Variants in SLC39A5 observed in about 807,000 individuals in gnomAD.
SLC39A5 encodes solute carrier family 39 member 5.
Under a neutral mutation model 46.9 loss-of-function variants are expected in SLC39A5, and 42 were observed. That is an observed-to-expected ratio of 0.90 (90% CI 0.70 to 1.16). SLC39A5 has a LOEUF of 1.16. Ranked by LOEUF, SLC39A5 falls within the 50% of genes most tolerant of loss-of-function variation. The pLI is 0.00. For missense variants in SLC39A5, 677 were observed against 686.8 expected (o/e 0.99, Z 0.16); for synonymous variants, 311 against 323.1 (o/e 0.96, Z 0.40).
chr12:56,233,750 C>A (rs1870463506), intron 5 of SLC39A5, among the ~76,000 whole-genome samples: 1 of 152,222 alleles, frequency 6.6e-6, no homozygotes, highest in Non-Finnish European at 1.5e-5. Context: ...AGCTGCCTAA[C>A]CCTGATGGAG....
intron 5 of SLC39A5, among the ~76,000 whole-genome samples, chr12:56,233,407 A>G (rs1008013609): frequency 2.0e-5 from 3 of 151,124 alleles, no homozygotes; most frequent in East Asian, 1.9e-4. Flanking sequence ...CCGAGATTGC[A>G]CCACTGCACT....
intron 12 of SLC39A5, 99 bp from the exon 13 acceptor site, chr12:56,237,489 G>A: frequency 6.3e-7 from 1 of 1,579,090 alleles, no homozygotes; most frequent in Non-Finnish European, 8.6e-7. Flanking sequence ...AGGGACTAAG[G>A]TGTTTGGGTG....
At chr12:56,234,753 C>T in intron 5 of SLC39A5, 71 bp from the exon 6 acceptor site, 4 of 1,555,802 alleles carry the variant, frequency 2.6e-6, no homozygotes, top group Non-Finnish European at 3.5e-6. Context: ...AGCCACTACA[C>T]CTGGCCAGGT....
chr12:56,231,817 C>A (rs1308794747), intron 4 of SLC39A5, among the ~76,000 whole-genome samples: 2 of 152,162 alleles, frequency 1.3e-5, no homozygotes, highest in East Asian at 3.9e-4. Context: ...CCTCTGCTTC[C>A]CAGGCTGAAG....
intron 8 of SLC39A5, 123 bp from the exon 9 acceptor site, chr12:56,236,273 C>T (rs1175940236): frequency 3.5e-6 from 3 of 852,524 alleles, no homozygotes; most frequent in Non-Finnish European, 5.8e-6. Flanking sequence ...AGGTAGAGGC[C>T]AAAGAACATC....
intron 8 of SLC39A5, 89 bp from the exon 9 acceptor site, chr12:56,236,307 G>C: frequency 8.5e-7 from 1 of 1,182,258 alleles, no homozygotes; most frequent in Non-Finnish European, 1.3e-6. Context: ...GTGGAACCAG[G>C]TGTTCATCTT....
Position 56,232,778 on chromosome 12 carries a change from C to G in SLC39A5, c.377C>G (p.Pro126Arg). 6.2e-7 allele frequency: 1 copy of G among 1,612,552 alleles called. No homozygotes were observed. The highest frequency in any genetic ancestry group is 8.5e-7 in the Non-Finnish European group (1 of 1,179,486). The change falls in exon 5 of 13, where the codon CCT becomes CGT. Residue 126 changes from proline (P) to arginine (R), a missense_variant. Pro to Arg is a moderately radical substitution (Grantham distance 103). Coordinates refer to ENST00000454355, the MANE Select transcript of SLC39A5 (RefSeq NM_173596.3). ...GGTGACCTGGAAGAGTCAAAGGCCC[C>G]TCACCTACCCCGTGGGCCAGCCCCC... ...GWGDLEESKAPHLPRGPAPSG... is the reference protein window; with the variant it reads ...GWGDLEESKARHLPRGPAPSG...
intron 5 of SLC39A5, among the ~76,000 whole-genome samples, chr12:56,233,073 C>T (rs1010135401): frequency 8.6e-5 from 13 of 151,692 alleles, no homozygotes; most frequent in African/African-American, 3.2e-4. Context: ...ACCAGCCTGG[C>T]CAACATGGTG....
At chr12:56,235,080 A>G in intron 6 of SLC39A5, 77 bp from the exon 7 acceptor site, 1 of 1,579,588 alleles carries the variant, frequency 6.3e-7, no homozygotes, top group Non-Finnish European at 8.6e-7. Context: ...CTCTCCTTGT[A>G]GTGTTCTCTC....
intron 3 of SLC39A5, 148 bp from the exon 4 acceptor site, chr12:56,231,056 C>T (rs1423847588): frequency 1.2e-5 from 6 of 514,624 alleles, no homozygotes; most frequent in East Asian, 3.2e-5. Context: ...GAGGCTGCTC[C>T]CGCAGGAGGC....
rs771580000 is a variant in SLC39A5, at chr12:56,231,519, CTG to C, written c.246_247del (p.Gly83ThrfsTer18). 39 of 1,586,504 alleles carry C rather than the reference CTG, an allele frequency of 2.5e-5. No individual in the cohort carries two copies. In the South Asian group the frequency reaches 4.3e-4, roughly 17 times the overall value. On this transcript the variant is annotated frameshift_variant, in exon 4 of 13. Transcript: ENST00000454355. LOFTEE classifies it high-confidence loss of function. Reference sequence around the variant, plus strand: ...CGCCTGGGACAGCATGGGCCTCTGACTGGACGGGCTGCATCCCCAGCTGCAGA... The same window carrying C: ...CGCCTGGGACAGCATGGGCCTCTGACGACGGGCTGCATCCCCAGCTGCAGA...
intron 5 of SLC39A5, among the ~76,000 whole-genome samples, chr12:56,233,470 T>TA (rs1452270733): frequency 2.0e-5 from 3 of 149,956 alleles, no homozygotes; most frequent in Non-Finnish European, 3.0e-5. Flanking sequence ...ATAAAAAAAA[T>TA]AAAAAAATAA....
rs1329971929 is a variant in SLC39A5, at chr12:56,236,762, A to G, written c.1207+16A>G. Reference sequence around the variant, plus strand: ...CTGGCCATAGGTGTGAGGGGTGGGAACGGAGGGAAGCAGGTCCGAGGGGAG... The same window carrying G: ...CTGGCCATAGGTGTGAGGGGTGGGAGCGGAGGGAAGCAGGTCCGAGGGGAG... On this transcript the variant is annotated intron_variant, in intron 10 of 12. Coordinates refer to ENST00000454355, the MANE Select transcript of SLC39A5 (RefSeq NM_173596.3). 3.1e-6 allele frequency: 5 copies of G among 1,587,702 alleles called. No homozygotes were observed. In the African/African-American group the frequency reaches 5.4e-5, roughly 17 times the overall value.
intron 4 of SLC39A5, 41 bp downstream of exon 4, chr12:56,231,602 A>G (rs1592373155): frequency 6.7e-7 from 1 of 1,499,482 alleles, no homozygotes; most frequent in Non-Finnish European, 8.9e-7. Flanking sequence ...CACATCTCCC[A>G]GGTCCTCTCA....
rs1472252044 is a variant in SLC39A5 at position 56,230,265 on chromosome 12, C to T, written c.-145C>T. On this transcript the variant is annotated 5_prime_UTR_variant, in exon 2 of 13. Transcript: ENST00000454355. Reference sequence around the variant, plus strand: ...GGCTTCCCCTTTCTTGGTCATCGATCCCTAGAGCTCTGGCTCTTTCTCTTC... The same window carrying T: ...GGCTTCCCCTTTCTTGGTCATCGATTCCTAGAGCTCTGGCTCTTTCTCTTC... 2 of 152,648 alleles carry T rather than the reference C, an allele frequency of 1.3e-5. No individual in the cohort carries two copies. The highest frequency in any genetic ancestry group is 2.9e-5 in the Non-Finnish European group (2 of 68,136). 9.5% of individuals were successfully genotyped at this position (152,648 alleles called of 1,614,324 possible).
chr12:56,235,907 G>A lies in SLC39A5; in HGVS notation c.945+207G>A, dbSNP rs181002430. 389 of 589,618 alleles carry A rather than the reference G, an allele frequency of 6.6e-4. 1 individual carries two copies. In the African/African-American group the frequency reaches 7.0e-3, roughly 11 times the overall value. 36.5% of individuals were successfully genotyped at this position (589,618 alleles called of 1,614,324 possible). Reference sequence around the variant, plus strand: ...AAAATACAAAAATTAGCTGGGCGTGGTGGTGCGTGTCTGTAATCCCAGCTA... The same window carrying A: ...AAAATACAAAAATTAGCTGGGCGTGATGGTGCGTGTCTGTAATCCCAGCTA... On this transcript the variant is annotated intron_variant, in intron 8 of 12. Coordinates refer to ENST00000454355, the MANE Select transcript of SLC39A5 (RefSeq NM_173596.3).
At chr12:56,237,038 T>C in intron 11 of SLC39A5, 27 bp downstream of exon 11, 1 of 1,613,582 alleles carries the variant, frequency 6.2e-7, no homozygotes, top group East Asian at 2.2e-5. Context: ...CAGGGTGGGG[T>C]GGACTCCAGA....
intron 4 of SLC39A5, 116 bp downstream of exon 4, chr12:56,231,677 G>C: frequency 8.9e-7 from 1 of 1,126,578 alleles, no homozygotes; most frequent in Non-Finnish European, 1.2e-6. Flanking sequence ...AAATTCTTCA[G>C]AACCGAGCTC....
Position 56,237,639 on chromosome 12 carries a change from C to A in SLC39A5, c.1531C>A (p.Leu511Met). Residue 511 changes from leucine to methionine, a missense_variant, in exon 13 of 13, where the codon CTG becomes ATG. Physicochemically the swap from Leu to Met is conservative, Grantham distance 15. Transcript: ENST00000454355. ...PEPLPTPHVL[L>M]QGLGLLLGGG... is the part of the protein sequence containing the mutation. ...GCCCCTGCCTACGCCCCATGTGCTC[C>A]TGCAGGGGCTGGGGCTGCTGCTGGG... 6.2e-7 allele frequency: 1 copy of A among 1,612,954 alleles called. No homozygotes were observed. The highest frequency in any genetic ancestry group is 2.2e-5 in the East Asian group (1 of 44,840).
Sources: allele counts gnomAD v4.1 joint callset (sites outside exome capture counted in the v4.1 genomes callset), GRCh38; gene constraint gnomAD v4.1.1; transcripts MANE v1.5; gene names NCBI Gene and HGNC (gene_info 2026-07-23, HGNC 2026-07-21).